The following FSCN2 variants were observed in gnomAD, a reference collection of about 807,000 sequenced individuals.
The protein encoded by FSCN2 is fascin actin-bundling protein 2, retinal, also known as fascin-2.
In FSCN2, 46 loss-of-function variants were observed where a neutral mutation model predicts 37.8. That is an observed-to-expected ratio of 1.22 (90% CI 0.96 to 1.56). The LOEUF (loss-of-function observed/expected upper bound fraction) is 1.56, where lower values mean the gene tolerates loss of function less well. FSCN2 is among the 40% of genes most tolerant of loss of function. FSCN2 has a pLI of 0.00. For missense variants in FSCN2, 844 were observed against 730.4 expected, an observed-to-expected ratio of 1.16 and a Z score of -1.79; for synonymous variants, 351 against 309.4, an observed-to-expected ratio of 1.13 and a Z score of -1.41.
At position 81,528,594 on chromosome 17, in the gene FSCN2, C is replaced by T; in HGVS notation, c.63C>T (p.Asp21=). 1 of 1,609,188 alleles carries T rather than the reference C, an allele frequency of 6.2e-7. No individual in the cohort carries two copies. The highest frequency in any genetic ancestry group is 8.5e-7 in the Non-Finnish European group (1 of 1,178,206). Residue 21 remains aspartate (D), a synonymous_variant, in exon 1 of 5, where the codon GAC becomes GAT. Transcript: ENST00000417245. ...KIQFGLVNDT[D]RYLTAESFGF... ...AGTTTGGCCTCGTCAACGACACTGA[C>T]CGCTACCTGACAGCTGAGAGCTTCG...
chr17:81,522,433 T>A, the FSCN2 span, among the ~76,000 whole-genome samples: 1 of 152,230 alleles, frequency 6.6e-6, no homozygotes. Flanking sequence ...GGGAGCTGGG[T>A]GACACCACGA....
At chr17:81,536,821 C>A in intron 4 of FSCN2, 32 bp downstream of exon 4, 4 of 1,533,600 alleles carry the variant, frequency 2.6e-6, no homozygotes, top group Non-Finnish European at 3.5e-6. Context: ...CACGCGGGAG[C>A]GGGGGTGGCA....
rs1009855508 is a variant in FSCN2, at chr17:81,536,859, C to T, written c.1274-16C>T. 1.0e-5 allele frequency: 16 copies of T among 1,556,926 alleles called. No homozygotes were observed. The highest frequency in any genetic ancestry group is 1.3e-5 in the Non-Finnish European group (15 of 1,150,864). On this transcript the variant is annotated splice_polypyrimidine_tract_variant and intron_variant, in intron 4 of 4. Coordinates refer to ENST00000417245, the MANE Select transcript of FSCN2 (RefSeq NM_012418.4). Reference sequence around the variant, plus strand: ...GGGCAGGTGGGCACCCCCGCCGACGCCGTCCCGTCCCCCAGGCCGCGACGG... The same window carrying T: ...GGGCAGGTGGGCACCCCCGCCGACGTCGTCCCGTCCCCCAGGCCGCGACGG...
rs1191750713 is a variant in FSCN2 at position 81,531,687 on chromosome 17, ATGATGG to A, written c.826+2342_826+2347del. Among the ~76,000 whole-genome samples the A allele has an allele frequency of 2.7e-4, 25 of 94,296 alleles. 1 individual carries two copies. The highest frequency in any genetic ancestry group is 8.0e-4 in the African/African-American group (13 of 16,178). 61.9% of individuals were successfully genotyped at this position (94,296 alleles called of 152,430 possible). A position where few individuals can be genotyped will look rare whatever the true frequency, so the allele number is the denominator to read the frequency against. ...GATGATGATGGTGATGATGATGGTG[ATGATGG>A]TGATGGTGATGATGATAGTGATGGT... is the stretch of plus-strand genomic sequence containing the variant. On this transcript the variant is annotated intron_variant, in intron 1 of 4. Coordinates refer to ENST00000417245, the MANE Select transcript of FSCN2 (RefSeq NM_012418.4).
the FSCN2 span, among the ~76,000 whole-genome samples, chr17:81,520,346 C>T: frequency 6.6e-6 from 1 of 152,196 alleles, no homozygotes; most frequent in African/African-American, 2.4e-5. Flanking sequence ...ATGGTTGGCC[C>T]AACCCATGTG....
At chr17:81,518,048 T>TC in the FSCN2 span, among the ~76,000 whole-genome samples, 1 of 152,060 alleles carries the variant, frequency 6.6e-6, no homozygotes, top group African/African-American at 2.4e-5. Flanking sequence ...ATGTTTCAAA[T>TC]CCCCGCTGCT....
At chr17:81,526,026 G>C (rs1322870521), upstream of FSCN2, among the ~76,000 whole-genome samples, 1 of 152,218 alleles carries the variant, frequency 6.6e-6, no homozygotes, top group Non-Finnish European at 1.5e-5. Context: ...TGGGGCCCTA[G>C]AACTGAGGAG....
chr17:81,524,978 A>C (rs77857778), upstream of FSCN2, among the ~76,000 whole-genome samples: 5,020 of 151,868 alleles, frequency 0.033, 301 homozygotes, highest in African/African-American at 0.11. Context: ...CCCATCATAC[A>C]AGAACCCGGC....
chr17:81,530,589 G>T (rs1555671108), intron 1 of FSCN2: 1 of 515,124 alleles, frequency 1.9e-6, no homozygotes. Flanking sequence ...GGTCCTTCCA[G>T]ACCAGCATCA....
chr17:81,530,788 G>A lies in FSCN2; in HGVS notation c.826+1431G>A, dbSNP rs569065440. 1.2e-3 allele frequency: 381 copies of A among 319,658 alleles called. 9 individuals carry two copies. Among genetic ancestry groups the A allele is most frequent in the South Asian group, 8.5e-3 (366 of 43,008 alleles). 19.8% of individuals were successfully genotyped at this position (319,658 alleles called of 1,614,324 possible). On this transcript the variant is annotated intron_variant, in intron 1 of 4. Coordinates refer to ENST00000417245, the MANE Select transcript of FSCN2 (RefSeq NM_012418.4). ...TCCTGCACCTGCAGTTGGCATCCTCGGGCCTGTCCCAGCAGTGACAGGGTC... is the reference window on the plus strand; with the variant it reads ...TCCTGCACCTGCAGTTGGCATCCTCAGGCCTGTCCCAGCAGTGACAGGGTC...
At chr17:81,528,310 G>C (rs904906444), upstream of FSCN2, 5 of 572,736 alleles carry the variant, frequency 8.7e-6, no homozygotes, top group Non-Finnish European at 1.6e-5. Flanking sequence ...TCTCTGATCC[G>C]CCCTCCCCGC....
chr17:81,518,346 T>TGCCCCTGTGCCTGGCATA, the FSCN2 span, among the ~76,000 whole-genome samples: 1 of 146,214 alleles, frequency 6.8e-6, no homozygotes, highest in African/African-American at 2.5e-5. Context: ...GTGAAGCTGG[T>TGCCCCTGTGCCTGGCATA]GCCCCTGTAC....
chr17:81,536,936 C>T lies in FSCN2; in HGVS notation c.1335C>T (p.Arg445=), dbSNP rs796543434. The T allele has an allele frequency of 6.4e-6, 10 of 1,571,776 alleles. No individual in the cohort carries two copies. Among genetic ancestry groups the T allele is most frequent in the South Asian group, 2.3e-5 (2 of 86,786 alleles). ...GCAGCGTGTGCAGCGACGGCGAACG[C>T]GCCGAGGACTTCGTCTTCGAGTTCC... is the stretch of plus-strand genomic sequence containing the variant. ...SHGSVCSDGE[R]AEDFVFEFRE... The change falls in exon 5 of 5, where the codon CGC becomes CGT. Residue 445 remains arginine, a synonymous_variant. Coordinates refer to ENST00000417245, the MANE Select transcript of FSCN2 (RefSeq NM_012418.4).
intron 3 of FSCN2, 103 bp downstream of exon 3, chr17:81,536,370 C>T (rs2032877506): frequency 2.7e-6 from 4 of 1,473,248 alleles, no homozygotes; most frequent in South Asian, 1.3e-5. Flanking sequence ...CCCTCCCCAG[C>T]CCACGGAACG....
chr17:81,529,449 C>T (rs1360598773), intron 1 of FSCN2, 92 bp downstream of exon 1: 14 of 965,856 alleles, frequency 1.4e-5, no homozygotes, highest in African/African-American at 8.0e-5. Flanking sequence ...GGAGTGGTAT[C>T]GTGTCTGTGC....
the FSCN2 span, among the ~76,000 whole-genome samples, chr17:81,522,559 C>T: frequency 6.6e-6 from 1 of 152,260 alleles, no homozygotes; most frequent in Non-Finnish European, 1.5e-5. Flanking sequence ...CGGTTCCTGG[C>T]ACACCTGGCA....
the FSCN2 span, chr17:81,518,936 C>T: frequency 1.3e-5 from 2 of 152,310 alleles, no homozygotes; most frequent in African/African-American, 2.4e-5. Context: ...GGGGGTCAAG[C>T]CCGGACTCTG....
At chr17:81,516,205 T>C in the FSCN2 span, among the ~76,000 whole-genome samples, 1 of 152,182 alleles carries the variant, frequency 6.6e-6, no homozygotes, top group Admixed American at 6.5e-5. Context: ...AAAGGAACAG[T>C]GGTGGAAGAA....
At position 81,532,389 on chromosome 17, in the gene FSCN2, ATGATGGTGATGATAG is replaced by A. The variant is rs1377829092; in HGVS notation, c.827-2649_827-2635del. Among the ~76,000 whole-genome samples, 37 of 118,064 alleles carry A rather than the reference ATGATGGTGATGATAG, an allele frequency of 3.1e-4. No individual in the cohort carries two copies. The Middle Eastern group carries it at 0.016, about 51-fold the overall frequency. The allele number at this position is 118,064 out of a possible 152,430, so 77.5% of individuals were successfully genotyped here. ...GGTGATGGTGATGATAGTGATGGCG[ATGATGGTGATGATAG>A]TGATGGTGATGATGGTGATGGTGAT... is the stretch of plus-strand genomic sequence containing the variant. On this transcript the variant is annotated intron_variant, in intron 1 of 4. Coordinates refer to ENST00000417245, the MANE Select transcript of FSCN2 (RefSeq NM_012418.4).
Sources: allele counts gnomAD v4.1 joint callset (sites outside exome capture counted in the v4.1 genomes callset), GRCh38; gene constraint gnomAD v4.1.1; transcripts MANE v1.5; gene names NCBI Gene and HGNC (gene_info 2026-07-23, HGNC 2026-07-21).